LRRC37A: variants seen among roughly 807,000 people sequenced by gnomAD.
The protein encoded by LRRC37A is leucine-rich repeat-containing protein 37A.
Under a neutral mutation model 35.4 loss-of-function variants are expected in LRRC37A, and 3 were observed. The observed-to-expected ratio is 0.08, with a 90% CI of 0.04 to 0.22. The LOEUF is 0.22. Among genes scored for constraint, LRRC37A ranks in the 10% least tolerant of loss-of-function variants. LRRC37A has a pLI of 1.00. For missense variants in LRRC37A, 67 were observed against 565.3 expected (o/e 0.12, Z 8.94); for synonymous variants, 23 against 215.0 (o/e 0.11, Z 7.81).
At chr17:46,281,995 A>G in the LRRC37A span, among the ~76,000 whole-genome samples, 1 of 151,842 alleles carries the variant, frequency 6.6e-6, no homozygotes, top group Non-Finnish European at 1.5e-5. Context: ...CCTGCTGCCT[A>G]CTTTTCTTGC....
chr17:46,324,874 A>G lies in LRRC37A; in HGVS notation c.3053+1847A>G, dbSNP rs1424430951. On this transcript the variant is annotated intron_variant, in intron 7 of 13. Transcript: ENST00000320254. ...TATATTTATATATATGTACGTGTATATATGTATATGTATGCCTGCAGGGCC... is the reference window on the plus strand; with the variant it reads ...TATATTTATATATATGTACGTGTATGTATGTATATGTATGCCTGCAGGGCC... 6.6e-5 allele frequency among the ~76,000 whole-genome samples: 5 copies of G among 75,478 alleles called. 1 individual carries two copies. The highest frequency in any genetic ancestry group is 1.4e-4 in the Admixed American group (1 of 7,024). The allele number at this position is 75,478 out of a possible 152,430, so 49.5% of individuals were successfully genotyped here.
At chr17:46,282,506 C>A in the LRRC37A span, among the ~76,000 whole-genome samples, 1 of 151,756 alleles carries the variant, frequency 6.6e-6, no homozygotes, top group Non-Finnish European at 1.5e-5. Flanking sequence ...CCTCAAACTC[C>A]TGTACTCAAG....
the LRRC37A span, among the ~76,000 whole-genome samples, chr17:46,251,174 C>A: frequency 3.9e-5 from 6 of 152,174 alleles, no homozygotes; most frequent in African/African-American, 1.4e-4. Flanking sequence ...TTACCTTAGT[C>A]CCGTGGTTCT....
At chr17:46,270,074 A>G in the LRRC37A span, among the ~76,000 whole-genome samples, 1 of 152,248 alleles carries the variant, frequency 6.6e-6, no homozygotes, top group African/African-American at 2.4e-5. Context: ...ACTTCAGTTT[A>G]TAAGAAGTAC....
At chr17:46,267,065 A>C in the LRRC37A span, 1 of 295,938 alleles carries the variant, frequency 3.4e-6, no homozygotes. Flanking sequence ...TCAGCCGCGC[A>C]GGGACGCGGA....
the LRRC37A span, among the ~76,000 whole-genome samples, chr17:46,279,913 T>C: frequency 1.3e-5 from 2 of 152,218 alleles, no homozygotes; most frequent in African/African-American, 4.8e-5. Flanking sequence ...AAACAAATTA[T>C]CTAATGCATG....
the LRRC37A span, among the ~76,000 whole-genome samples, chr17:46,274,035 T>G: frequency 2.0e-5 from 3 of 152,250 alleles, no homozygotes; most frequent in Non-Finnish European, 4.4e-5. Context: ...TCTGACGTGA[T>G]GACAATTGAC....
chr17:46,267,255 G>C, the LRRC37A span: 1 of 918,612 alleles, frequency 1.1e-6, no homozygotes, highest in South Asian at 1.8e-5. Flanking sequence ...CCGTTTCGCT[G>C]TTGCTAAAAA....
chr17:46,256,274 ACTTGGGAGG>A, the LRRC37A span, among the ~76,000 whole-genome samples: 1 of 152,144 alleles, frequency 6.6e-6, no homozygotes, highest in Non-Finnish European at 1.5e-5. Context: ...AATCCCAGCT[ACTTGGGAGG>A]CTGAGGTGGG....
chr17:46,267,893 C>T, the LRRC37A span, among the ~76,000 whole-genome samples: 26 of 89,244 alleles, frequency 2.9e-4, no homozygotes, highest in Non-Finnish European at 4.3e-4. Flanking sequence ...ACTCCCACAT[C>T]TTTTTTTTTT....
chr17:46,248,134 A>G, the LRRC37A span, among the ~76,000 whole-genome samples: 1 of 151,938 alleles, frequency 6.6e-6, no homozygotes, highest in Non-Finnish European at 1.5e-5. Context: ...GAACATTCTC[A>G]TGATGACCGT....
At chr17:46,281,363 G>A in the LRRC37A span, among the ~76,000 whole-genome samples, 2 of 151,726 alleles carry the variant, frequency 1.3e-5, no homozygotes, top group African/African-American at 2.4e-5. Context: ...CCCGTGACTC[G>A]CATCAGCTCA....
upstream of LRRC37A, among the ~76,000 whole-genome samples, chr17:46,289,429 C>T (rs2050007596): frequency 1.3e-5 from 2 of 152,208 alleles, no homozygotes; most frequent in Non-Finnish European, 2.9e-5. Flanking sequence ...CCTTTGCCTC[C>T]CAAAGTGCTG....
At chr17:46,259,353 C>A in the LRRC37A span, among the ~76,000 whole-genome samples, 4,713 of 152,072 alleles carry the variant, frequency 0.031, 268 homozygotes, top group African/African-American at 0.11. Flanking sequence ...GGCAAGGCCC[C>A]TCACCACAAC....
the LRRC37A span, among the ~76,000 whole-genome samples, chr17:46,281,062 G>A: frequency 0.14 from 20,615 of 149,972 alleles, 1,849 homozygotes; most frequent in Non-Finnish European, 0.21. Flanking sequence ...ATGTTGTAGC[G>A]GAAAAATCTG....
At chr17:46,260,530 C>T in the LRRC37A span, 1 of 1,598,776 alleles carries the variant, frequency 6.3e-7, no homozygotes, top group Non-Finnish European at 8.6e-7. Flanking sequence ...CCAGGCGATG[C>T]CTGTCTCCCT....
At chr17:46,268,368 TGTA>T in the LRRC37A span, 3 of 732,146 alleles carry the variant, frequency 4.1e-6, no homozygotes, top group Non-Finnish European at 3.7e-6. Context: ...CCACCTTGCC[TGTA>T]GACTAAATAT....
the LRRC37A span, among the ~76,000 whole-genome samples, chr17:46,287,598 A>T: frequency 6.6e-6 from 1 of 152,288 alleles, no homozygotes; most frequent in Non-Finnish European, 1.5e-5. Context: ...AATCGAATTA[A>T]AAATAATTTC....
the LRRC37A span, among the ~76,000 whole-genome samples, chr17:46,276,790 C>CTTTTCTTTTTTTT: frequency 3.1e-4 from 42 of 134,152 alleles, no homozygotes; most frequent in Non-Finnish European, 5.3e-4. Flanking sequence ...TTCTTTTTTT[C>CTTTTCTTTTTTTT]TTTTTTTTTT....
Sources: gnomAD v4.1 joint callset for allele counts (sites outside exome capture counted in the v4.1 genomes callset) on GRCh38, gnomAD v4.1.1 for gene constraint, MANE v1.5 for transcripts, NCBI Gene and HGNC (gene_info 2026-07-23, HGNC 2026-07-21) for gene names.